NDST3: variants seen among roughly 807,000 people sequenced by gnomAD.
NDST3 encodes the protein bifunctional heparan sulfate N-deacetylase/N-sulfotransferase 3.
Under a neutral mutation model 96.1 loss-of-function variants are expected in NDST3, and 58 were observed. The ratio of observed to expected loss-of-function variants is 0.60; its 90% confidence interval spans 0.49 to 0.75. The LOEUF is 0.75. Among genes scored for constraint, NDST3 ranks in the 30% least tolerant of loss-of-function variants. The pLI, the probability that NDST3 is intolerant of heterozygous loss-of-function variation, is 0.00. For missense variants in NDST3, 788 were observed against 1,034.2 expected (o/e 0.76, Z 3.27); for synonymous variants, 333 against 359.7 (o/e 0.93, Z 0.84).
In NDST3 at chr4:118,060,532, A is replaced by T. The variant is rs193105121; in HGVS notation, c.981+5641A>T. Among the ~76,000 whole-genome samples, 72 of 152,266 alleles carry T rather than the reference A, an allele frequency of 4.7e-4. 1 individual carries two copies. In the East Asian group the frequency reaches 0.013, roughly 27 times the overall value. The stretch of plus-strand genomic sequence containing the variant: ...CAATATTTGTCTTTTAATTAACAAG[A>T]TCAATCTACATATAGTTAATTGGAT... On this transcript the variant is annotated intron_variant, in intron 2 of 13. Coordinates refer to ENST00000296499, the MANE Select transcript of NDST3 (RefSeq NM_004784.3).
intron 4 of NDST3, among the ~76,000 whole-genome samples, chr4:118,134,524 T>C (rs7689231): frequency 8.5e-5 from 13 of 152,206 alleles, no homozygotes; most frequent in Non-Finnish European, 1.8e-4. Flanking sequence ...GAAAAGTAGC[T>C]AAATTTAAGA....
chr4:118,086,494 T>C (rs1335887218), intron 2 of NDST3, among the ~76,000 whole-genome samples: 1 of 152,116 alleles, frequency 6.6e-6, no homozygotes, highest in African/African-American at 2.4e-5. Flanking sequence ...TTCTTCCTGA[T>C]TGAAAGAGGC....
At chr4:118,168,209 A>G (rs904615988) in intron 6 of NDST3, among the ~76,000 whole-genome samples, 16 of 152,204 alleles carry the variant, frequency 1.1e-4, no homozygotes, top group African/African-American at 3.6e-4. Flanking sequence ...AGGAACTGCT[A>G]CAACTCAATA....
chr4:118,198,224 G>T (rs1737829695), intron 6 of NDST3, among the ~76,000 whole-genome samples: 1 of 152,048 alleles, frequency 6.6e-6, no homozygotes, highest in Non-Finnish European at 1.5e-5. Flanking sequence ...CTGTTTTGTG[G>T]TCTTCTCTTC....
At chr4:118,043,435 T>C (rs1578526074) in intron 1 of NDST3, among the ~76,000 whole-genome samples, 1 of 152,210 alleles carries the variant, frequency 6.6e-6, no homozygotes, top group Non-Finnish European at 1.5e-5. Context: ...AGTCTGACTT[T>C]AAACAAAATT....
chr4:118,180,903 C>T (rs1441573991), intron 6 of NDST3, among the ~76,000 whole-genome samples: 1 of 152,148 alleles, frequency 6.6e-6, no homozygotes, highest in African/African-American at 2.4e-5. Flanking sequence ...GAGTTTGTGT[C>T]CCCTGCAGTA....
intron 9 of NDST3, among the ~76,000 whole-genome samples, chr4:118,235,739 T>C (rs1019021534): frequency 7.9e-5 from 12 of 152,194 alleles, no homozygotes; most frequent in African/African-American, 1.4e-4. Flanking sequence ...TCTCCGTAAA[T>C]AGAATGTACA....
Position 118,105,005 on chromosome 4 carries a change from T to A in NDST3, c.982-13T>A, listed in dbSNP as rs1730054883. The A allele has an allele frequency of 6.2e-7, 1 of 1,605,690 alleles. No homozygotes were observed. Among genetic ancestry groups the A allele is most frequent in the Non-Finnish European group, 8.5e-7 (1 of 1,174,040 alleles). ...TTCTTTACCTGATACATTTTTTAAATTATGTATTTCAGGCCCTGCTTGATA... is the reference window on the plus strand; with the variant it reads ...TTCTTTACCTGATACATTTTTTAAAATATGTATTTCAGGCCCTGCTTGATA... On this transcript the variant is annotated splice_polypyrimidine_tract_variant and intron_variant, in intron 2 of 13. Transcript: ENST00000296499.
intron 6 of NDST3, among the ~76,000 whole-genome samples, chr4:118,217,823 A>G (rs13435006): frequency 0.17 from 25,768 of 151,764 alleles, 2,339 homozygotes; most frequent in South Asian, 0.23. Flanking sequence ...GTAAAAAACA[A>G]GATTGACAAA....
intron 1 of NDST3, among the ~76,000 whole-genome samples, chr4:118,052,187 GA>G (rs554771440): frequency 7.0e-4 from 107 of 152,138 alleles, no homozygotes; most frequent in African/African-American, 2.4e-3. Context: ...ATACACCATG[GA>G]ATACTATGTG....
intron 6 of NDST3, among the ~76,000 whole-genome samples, chr4:118,202,226 C>T (rs1179000125): frequency 6.6e-6 from 1 of 152,034 alleles, no homozygotes; most frequent in Admixed American, 6.5e-5. Context: ...AGTAGTGTAG[C>T]CTTATATAGT....
At chr4:118,075,346 C>A (rs1727435713) in intron 2 of NDST3, among the ~76,000 whole-genome samples, 1 of 152,152 alleles carries the variant, frequency 6.6e-6, no homozygotes, top group Non-Finnish European at 1.5e-5. Flanking sequence ...GTGAATAGTG[C>A]CACAGTAAAC....
At position 118,253,591 on chromosome 4, in the gene NDST3, T is replaced by A; in HGVS notation, c.2492T>A (p.Met831Lys). 6.2e-7 allele frequency: 1 copy of A among 1,606,214 alleles called. No homozygotes were observed. The highest frequency in any genetic ancestry group is 8.5e-7 in the Non-Finnish European group (1 of 1,173,840). ...GKSKGRKYPP[M>K]DSDSRTFLSS... ...AGCAAAGGAAGAAAATACCCTCCAA[T>A]GGATTCTGATGTAAGCATAGACCTT... The change falls in exon 13 of 14, where the codon ATG becomes AAG. Residue 831 changes from methionine (M) to lysine (K), a missense_variant. Transcript: ENST00000296499.
At position 118,253,548 on chromosome 4, in the gene NDST3, A is replaced by G; in HGVS notation, c.2449A>G (p.Thr817Ala). ...FWCQLLEEGK[T>A]KCLGKSKGRK... The stretch of plus-strand genomic sequence containing the variant: ...GTGTCAGTTACTGGAAGAAGGTAAA[A>G]CAAAATGCCTTGGAAAGAGCAAAGG... The change falls in exon 13 of 14, where the codon ACA becomes GCA. Residue 817 changes from threonine (T) to alanine (A), a missense_variant. This residue lies in a region of NDST3 where 64 missense variants were observed against 68.5 expected (regional missense o/e 0.93). Transcript: ENST00000296499. 6.2e-7 allele frequency: 1 copy of G among 1,613,278 alleles called. No homozygotes were observed. Among genetic ancestry groups the G allele is most frequent in the Non-Finnish European group, 8.5e-7 (1 of 1,179,554 alleles).
At chr4:118,095,062 T>A (rs6820851) in intron 2 of NDST3, among the ~76,000 whole-genome samples, 5 of 151,474 alleles carry the variant, frequency 3.3e-5, no homozygotes, top group South Asian at 4.1e-4. Flanking sequence ...CAATTATACC[T>A]TAACAGAGCT....
intron 1 of NDST3, among the ~76,000 whole-genome samples, chr4:118,036,319 A>T (rs867884619): frequency 6.6e-6 from 1 of 152,172 alleles, no homozygotes; most frequent in Non-Finnish European, 1.5e-5. Context: ...ATATTTTTTT[A>T]AACTATATGT....
chr4:118,104,233 C>T (rs1364017646), intron 2 of NDST3, among the ~76,000 whole-genome samples: 1 of 152,064 alleles, frequency 6.6e-6, no homozygotes, highest in African/African-American at 2.4e-5. Flanking sequence ...ACAAATCTAA[C>T]AGCATTACTT....
chr4:118,126,292 T>C (rs1036945182), intron 4 of NDST3, among the ~76,000 whole-genome samples: 4 of 151,936 alleles, frequency 2.6e-5, no homozygotes, highest in African/African-American at 7.2e-5. Flanking sequence ...CAGTTTCTGG[T>C]AGCCATCCTT....
chr4:118,150,811 T>C (rs984753975), intron 6 of NDST3, among the ~76,000 whole-genome samples: 2 of 152,022 alleles, frequency 1.3e-5, no homozygotes, highest in Admixed American at 6.5e-5. Flanking sequence ...AGTTCAACCA[T>C]TGTGGAAGTC....
Sources: gnomAD v4.1 joint callset for allele counts (sites outside exome capture counted in the v4.1 genomes callset) on GRCh38, gnomAD v4.1.1 for gene constraint, gnomAD v4.1.1 regional missense constraint, MANE v1.5 for transcripts, NCBI Gene and HGNC (gene_info 2026-07-23, HGNC 2026-07-21) for gene names.